VWA2: variants seen among roughly 807,000 people sequenced by gnomAD.
VWA2 encodes von Willebrand factor A domain containing 2, also known as von Willebrand factor A domain-containing protein 2.
A neutral mutation model predicts 70.4 loss-of-function variants in VWA2; 73 were observed. The observed-to-expected ratio is 1.04, with a 90% CI of 0.86 to 1.26. VWA2 has a LOEUF of 1.26. Ranked by LOEUF, VWA2 falls within the 50% of genes most tolerant of loss-of-function variation. The pLI is 0.00. For synonymous variants in VWA2, 407 were observed against 423.3 expected (o/e 0.96, Z 0.47); for missense variants, 1,011 against 998.5 (o/e 1.01, Z -0.17).
chr10:114,266,622 C>T (rs1454546313), intron 5 of VWA2, among the ~76,000 whole-genome samples: 1 of 152,130 alleles, frequency 6.6e-6, no homozygotes, highest in African/African-American at 2.4e-5. Context: ...ACATTGCACC[C>T]CACGATGACA....
chr10:114,280,443 G>A (rs1408980348), intron 8 of VWA2, among the ~76,000 whole-genome samples: 2 of 152,202 alleles, frequency 1.3e-5, no homozygotes, highest in Admixed American at 6.5e-5. Context: ...GGGTAGGCGG[G>A]GGGTTGGGGC....
chr10:114,239,660 C>T (rs1487373816), intron 1 of VWA2, 91 bp downstream of exon 1: 1 of 152,420 alleles, frequency 6.6e-6, no homozygotes, highest in East Asian at 1.9e-4. Context: ...ACTGGGGCCC[C>T]CTCTGCCCAG....
chr10:114,290,041 T>C, intron 12 of VWA2, 199 bp from the exon 13 acceptor site: 1 of 542,738 alleles, frequency 1.8e-6, no homozygotes, highest in Non-Finnish European at 3.1e-6. Flanking sequence ...GTCTGAGCAA[T>C]GGACTCTCCA....
rs549189206 is a variant in VWA2 at position 114,242,376 on chromosome 10, A to C, written c.-11+2807A>C. Among the ~76,000 whole-genome samples, 8 of 152,292 alleles carry C rather than the reference A, an allele frequency of 5.3e-5. No homozygotes were observed. The South Asian group carries it at 1.7e-3, about 32-fold the overall frequency. On this transcript the variant is annotated intron_variant, in intron 1 of 13. Coordinates refer to ENST00000392982, the MANE Select transcript of VWA2 (RefSeq NM_001272046.2). ...TCATGCTCAGGTATCCTGCCATCAG[A>C]TGGTTGCTCTTTCCAGAGCATCTGT...
At chr10:114,266,195 G>A (rs2037561450) in intron 5 of VWA2, among the ~76,000 whole-genome samples, 2 of 152,188 alleles carry the variant, frequency 1.3e-5, no homozygotes, top group South Asian at 4.2e-4. Context: ...TACTCGGGAG[G>A]CTGAGGCAGG....
chr10:114,252,452 CG>C (rs2037217048), intron 2 of VWA2, among the ~76,000 whole-genome samples: 1 of 152,008 alleles, frequency 6.6e-6, no homozygotes, highest in African/African-American at 2.4e-5. Flanking sequence ...GGGAAGGAGC[CG>C]GGAAAGACAG....
intron 2 of VWA2, among the ~76,000 whole-genome samples, chr10:114,250,935 G>A (rs2037182955): frequency 2.0e-5 from 3 of 152,232 alleles, no homozygotes. Flanking sequence ...TTATACAGAT[G>A]AGGCAGGGGA....
In VWA2 at chr10:114,261,313, C is replaced by G. The variant is rs1334839865; in HGVS notation, c.371+18C>G. 1.2e-6 allele frequency: 2 copies of G among 1,601,456 alleles called. No individual in the cohort carries two copies. Among genetic ancestry groups the G allele is most frequent in the Admixed American group, 1.7e-5 (1 of 59,992 alleles). On this transcript the variant is annotated intron_variant, in intron 5 of 13. Transcript: ENST00000392982. ...GTTTTCAAGTATGTATGATCAGATA[C>G]TGCTGTGGTTAGGGTGACGCCAACT...
intron 1 of VWA2, chr10:114,246,063 G>GAC: frequency 1.9e-6 from 1 of 526,342 alleles, no homozygotes; most frequent in Non-Finnish European, 3.6e-6. Context: ...TGGACTACCT[G>GAC]CCCCCGCCCC....
At position 114,286,336 on chromosome 10, in the gene VWA2, G is replaced by C. The variant is rs151238811; in HGVS notation, c.1395G>C (p.Ala465=). ...SHSEDEVAGP[A]RHARARELLL... ...CCGAGGATGAGGTTGCGGGCCCAGC[G>C]CGTCACGCAAGGGCGCGAGAGCTGC... Residue 465 remains alanine, a synonymous_variant, in exon 11 of 14, where the codon GCG becomes GCC. Coordinates refer to ENST00000392982, the MANE Select transcript of VWA2 (RefSeq NM_001272046.2). 1 of 1,613,080 alleles carries C rather than the reference G, an allele frequency of 6.2e-7. No individual in the cohort carries two copies. Among genetic ancestry groups the C allele is most frequent in the Admixed American group, 1.7e-5 (1 of 59,976 alleles).
intron 8 of VWA2, 68 bp downstream of exon 8, chr10:114,278,919 G>A: frequency 6.3e-7 from 1 of 1,595,240 alleles, no homozygotes; most frequent in Non-Finnish European, 8.5e-7. Context: ...CTGCGGGGAG[G>A]ATAGTACTTT....
chr10:114,282,151 A>C (rs1245304523), intron 8 of VWA2, among the ~76,000 whole-genome samples: 2 of 152,012 alleles, frequency 1.3e-5, no homozygotes, highest in Admixed American at 1.3e-4. Context: ...TTACAGGCAC[A>C]TGCCACCACG....
intron 2 of VWA2, among the ~76,000 whole-genome samples, 158 bp from the exon 3 acceptor site, chr10:114,253,493 T>C (rs2133303126): frequency 6.7e-6 from 1 of 149,936 alleles, no homozygotes; most frequent in East Asian, 2.0e-4. Context: ...GGTTTCTTTA[T>C]GTTATCCGTC....
chr10:114,270,731 A>T (rs1357310991), intron 5 of VWA2, among the ~76,000 whole-genome samples: 1 of 152,188 alleles, frequency 6.6e-6, no homozygotes, highest in East Asian at 1.9e-4. Flanking sequence ...TCGGTATCTA[A>T]TGTGTGATCC....
chr10:114,280,914 A>T (rs1335614413), intron 8 of VWA2: 2 of 151,190 alleles, frequency 1.3e-5, no homozygotes, highest in African/African-American at 2.4e-5. Context: ...AATTTTTAAG[A>T]TTTTTTTTTA....
At chr10:114,266,482 A>G (rs2037569387) in intron 5 of VWA2, among the ~76,000 whole-genome samples, 1 of 152,200 alleles carries the variant, frequency 6.6e-6, no homozygotes, top group South Asian at 2.1e-4. Context: ...ACTCAAACCC[A>G]GGACACTTGC....
intron 4 of VWA2, 72 bp downstream of exon 4, chr10:114,255,120 C>T: frequency 4.5e-6 from 7 of 1,571,870 alleles, no homozygotes; most frequent in Non-Finnish European, 5.2e-6. Flanking sequence ...CGGTCTCAAG[C>T]AGAGGAGGCA....
chr10:114,272,878 C>A lies in VWA2; in HGVS notation c.510C>A (p.Ser170=), dbSNP rs766163713. Residue 170 remains serine (S), a synonymous_variant, in exon 6 of 14, where the codon TCC becomes TCA. Coordinates refer to ENST00000392982, the MANE Select transcript of VWA2 (RefSeq NM_001272046.2). ...GKSQGDVALP[S]KQLKERGVTV... ...CCCAGGGGGATGTGGCACTGCCATC[C>A]AAGCAGCTGAAGGAAAGGGGTGTCA... The A allele has an allele frequency of 9.3e-6, 15 of 1,613,698 alleles. No individual in the cohort carries two copies. In the African/African-American group the frequency reaches 9.4e-5, roughly 10 times the overall value.
At position 114,246,860 on chromosome 10, in the gene VWA2, A is replaced by G. The variant is rs2037083518; in HGVS notation, c.-10-1844A>G. The G allele has an allele frequency of 7.1e-6, 5 of 702,250 alleles. No individual in the cohort carries two copies. The South Asian group carries it at 8.0e-5, about 11-fold the overall frequency. The allele number at this position is 702,250 out of a possible 1,614,324, so 43.5% of individuals were successfully genotyped here. On this transcript the variant is annotated intron_variant, in intron 1 of 13. Transcript: ENST00000392982. ...TATTTGTTTTACTGAGCACCTGGCA[A>G]TGCCTGAACCTCCCTATTCAGAAAG...
Sources: gnomAD v4.1 joint callset for allele counts (sites outside exome capture counted in the v4.1 genomes callset) on GRCh38, gnomAD v4.1.1 for gene constraint, MANE v1.5 for transcripts, NCBI Gene and HGNC (gene_info 2026-07-23, HGNC 2026-07-21) for gene names.